EBF1: variants seen among roughly 807,000 people sequenced by gnomAD.
EBF1 encodes EBF transcription factor 1, also known as transcription factor COE1.
Under a neutral mutation model 68.4 loss-of-function variants are expected in EBF1, and 10 were observed. That is an observed-to-expected ratio of 0.15 (90% CI 0.09 to 0.25). The LOEUF is 0.25. EBF1 is among the 10% of genes least tolerant of loss of function. The pLI is 1.00. For synonymous variants in EBF1, 298 were observed against 299.8 expected (o/e 0.99, Z 0.06); for missense variants, 509 against 794.4 (o/e 0.64, Z 4.32).
At chr5:159,086,604 A>AC (rs1780679184) in intron 4 of EBF1, among the ~76,000 whole-genome samples, 1 of 152,194 alleles carries the variant, frequency 6.6e-6, no homozygotes, top group Non-Finnish European at 1.5e-5. Flanking sequence ...GGGCAGGGAT[A>AC]ACACAGAGGT....
chr5:158,966,716 C>A (rs1754229670), intron 6 of EBF1, among the ~76,000 whole-genome samples: 1 of 152,222 alleles, frequency 6.6e-6, no homozygotes, highest in African/African-American at 2.4e-5. Flanking sequence ...TGCTATCCAG[C>A]TTCCCCCATC....
At chr5:159,091,641 A>G (rs1419131852) in intron 4 of EBF1, among the ~76,000 whole-genome samples, 1 of 152,248 alleles carries the variant, frequency 6.6e-6, no homozygotes, top group Non-Finnish European at 1.5e-5. Context: ...AGGGTTGTTA[A>G]TCAAATCTAT....
At chr5:159,026,118 GA>G (rs1427440628) in intron 6 of EBF1, among the ~76,000 whole-genome samples, 58 of 152,172 alleles carry the variant, frequency 3.8e-4, no homozygotes, top group Admixed American at 2.0e-3. Context: ...GGTGATTTCA[GA>G]TGATGCCCGT....
At chr5:158,746,491 T>TGCCATCTA (rs1439545560) in intron 10 of EBF1, among the ~76,000 whole-genome samples, 1 of 152,148 alleles carries the variant, frequency 6.6e-6, no homozygotes, top group African/African-American at 2.4e-5. Context: ...CCTTTAGAAA[T>TGCCATCTA]GCCATCTAGC....
intron 6 of EBF1, among the ~76,000 whole-genome samples, chr5:158,995,231 C>T (rs1761159933): frequency 6.6e-6 from 1 of 152,166 alleles, no homozygotes; most frequent in African/African-American, 2.4e-5. Flanking sequence ...TCCCCAATAA[C>T]ACATTGTCCT....
At chr5:158,760,987 G>T (rs897145385) in intron 10 of EBF1, among the ~76,000 whole-genome samples, 1 of 152,082 alleles carries the variant, frequency 6.6e-6, no homozygotes, top group African/African-American at 2.4e-5. Context: ...TTTAAAGCAC[G>T]TCATAATCAA....
intron 6 of EBF1, among the ~76,000 whole-genome samples, chr5:158,870,562 G>A (rs1018177927): frequency 6.6e-6 from 1 of 152,110 alleles, no homozygotes; most frequent in Non-Finnish European, 1.5e-5. Context: ...CATAGTCCCA[G>A]CTATTCAGGA....
intron 10 of EBF1, among the ~76,000 whole-genome samples, chr5:158,749,176 T>C (rs1768218757): frequency 6.6e-6 from 1 of 152,178 alleles, no homozygotes; most frequent in African/African-American, 2.4e-5. Context: ...TGCAAGAGTA[T>C]GTATCTCTGC....
intron 6 of EBF1, among the ~76,000 whole-genome samples, chr5:158,954,190 C>T (rs1056134860): frequency 3.3e-5 from 5 of 151,556 alleles, no homozygotes; most frequent in African/African-American, 9.8e-5. Context: ...GATCTATGCC[C>T]GTGCGGCTGA....
At chr5:158,880,788 G>C (rs548468859) in intron 6 of EBF1, among the ~76,000 whole-genome samples, 6 of 152,310 alleles carry the variant, frequency 3.9e-5, no homozygotes, top group Non-Finnish European at 8.8e-5. Flanking sequence ...GTTGTTTGTA[G>C]TGTGAAGGGG....
intron 8 of EBF1, among the ~76,000 whole-genome samples, chr5:158,820,812 T>C (rs573608623): frequency 6.6e-6 from 1 of 152,284 alleles, no homozygotes; most frequent in South Asian, 2.1e-4. Context: ...AACTGAAATA[T>C]TAACACTCTT....
chr5:159,018,003 T>C (rs1214191503), intron 6 of EBF1, among the ~76,000 whole-genome samples: 1 of 151,980 alleles, frequency 6.6e-6, no homozygotes, highest in East Asian at 1.9e-4. Flanking sequence ...ATTTCCTGTC[T>C]CCCCCGTCCC....
intron 14 of EBF1, 110 bp downstream of exon 14, chr5:158,712,044 G>T: frequency 7.5e-7 from 1 of 1,341,112 alleles, no homozygotes; most frequent in Non-Finnish European, 1.0e-6. Flanking sequence ...TTACAGGAGG[G>T]AAAGATGGGG....
At chr5:159,064,272 A>G (rs983306125) in intron 6 of EBF1, among the ~76,000 whole-genome samples, 2 of 152,232 alleles carry the variant, frequency 1.3e-5, no homozygotes, top group Non-Finnish European at 2.9e-5. Context: ...TTAGAGTAAT[A>G]CATGAAAATG....
At chr5:158,726,007 G>A (rs1054949595) in intron 11 of EBF1, among the ~76,000 whole-genome samples, 4 of 152,134 alleles carry the variant, frequency 2.6e-5, no homozygotes, top group Admixed American at 6.5e-5. Flanking sequence ...TAGACAAAGT[G>A]CAGGAAAATT....
chr5:158,768,990 T>C (rs1272091027), intron 10 of EBF1, among the ~76,000 whole-genome samples: 1 of 152,198 alleles, frequency 6.6e-6, no homozygotes, highest in Non-Finnish European at 1.5e-5. Flanking sequence ...CAAGAATACA[T>C]ATACAGCTCA....
At chr5:158,936,490 T>C (rs1812045626) in intron 6 of EBF1, among the ~76,000 whole-genome samples, 1 of 152,218 alleles carries the variant, frequency 6.6e-6, no homozygotes, top group African/African-American at 2.4e-5. Flanking sequence ...CTTAGCACAT[T>C]GCCTGGCACA....
intron 7 of EBF1, among the ~76,000 whole-genome samples, chr5:158,827,869 T>C (rs764096515): frequency 7.9e-5 from 12 of 152,206 alleles, no homozygotes; most frequent in Non-Finnish European, 1.6e-4. Flanking sequence ...AGACCATAAA[T>C]ATATTTTTGT....
At chr5:159,016,088 T>C (rs1286658955) in intron 6 of EBF1, among the ~76,000 whole-genome samples, 3 of 152,218 alleles carry the variant, frequency 2.0e-5, no homozygotes, top group Non-Finnish European at 4.4e-5. Flanking sequence ...GTGTTCCTCC[T>C]TGCCTCTCTT....
Sources: gnomAD v4.1 joint callset for allele counts (sites outside exome capture counted in the v4.1 genomes callset) on GRCh38, gnomAD v4.1.1 for gene constraint, MANE v1.5 for transcripts, NCBI Gene and HGNC (gene_info 2026-07-23, HGNC 2026-07-21) for gene names.